Variants in EBF1 observed in about 807,000 individuals in gnomAD.
The protein encoded by EBF1 is transcription factor COE1.
Under a neutral mutation model 68.4 loss-of-function variants are expected in EBF1, and 10 were observed. The ratio of observed to expected loss-of-function variants is 0.15; its 90% confidence interval spans 0.09 to 0.25. EBF1 has a LOEUF of 0.25. EBF1 is among the 10% of genes least tolerant of loss of function. EBF1 has a pLI of 1.00. For missense variants in EBF1, 509 were observed against 794.4 expected (o/e 0.64, Z 4.32); for synonymous variants, 298 against 299.8 (o/e 0.99, Z 0.06).
At chr5:158,782,734 A>G (rs1022363028) in intron 9 of EBF1, among the ~76,000 whole-genome samples, 7 of 152,196 alleles carry the variant, frequency 4.6e-5, no homozygotes, top group Admixed American at 3.9e-4. Context: ...TATTTTCAAA[A>G]TATTTCTGGA....
At chr5:158,926,484 G>A (rs1027547936) in intron 6 of EBF1, among the ~76,000 whole-genome samples, 1 of 152,080 alleles carries the variant, frequency 6.6e-6, no homozygotes, top group Non-Finnish European at 1.5e-5. Context: ...CCAGCACTTT[G>A]GGAGGCCAAA....
chr5:159,070,629 A>G (rs945450703), intron 6 of EBF1, among the ~76,000 whole-genome samples: 3 of 152,162 alleles, frequency 2.0e-5, no homozygotes, highest in African/African-American at 4.8e-5. Context: ...TGATAAAAAT[A>G]GTAGTGTTCT....
At chr5:159,076,732 C>T (rs940456594) in intron 5 of EBF1, among the ~76,000 whole-genome samples, 12 of 152,186 alleles carry the variant, frequency 7.9e-5, no homozygotes, top group African/African-American at 2.9e-4. Context: ...ATGAGCTACT[C>T]CGGCTTCTGT....
intron 7 of EBF1, among the ~76,000 whole-genome samples, chr5:158,825,924 TAA>T (rs758355276): frequency 3.5e-5 from 5 of 141,368 alleles, no homozygotes; most frequent in Admixed American, 7.0e-5. Flanking sequence ...ACTTGTAAAT[TAA>T]AAAAAAAAAA....
intron 10 of EBF1, among the ~76,000 whole-genome samples, chr5:158,742,130 C>A (rs1396472243): frequency 2.0e-5 from 3 of 152,194 alleles, no homozygotes; most frequent in Non-Finnish European, 4.4e-5. Context: ...CAGAGCAGAT[C>A]TCTAATAATT....
At chr5:158,761,320 G>A (rs759481273) in intron 10 of EBF1, among the ~76,000 whole-genome samples, 3 of 152,152 alleles carry the variant, frequency 2.0e-5, no homozygotes, top group African/African-American at 4.8e-5. Context: ...TTCTGCTGTC[G>A]GTTTGCTCCA....
chr5:159,050,689 C>T (rs1773423045), intron 6 of EBF1, among the ~76,000 whole-genome samples: 3 of 152,178 alleles, frequency 2.0e-5, no homozygotes, highest in Non-Finnish European at 4.4e-5. Context: ...GGTTGACTGA[C>T]TCCTGCCTCC....
chr5:158,850,220 C>A (rs1366819914), intron 6 of EBF1, among the ~76,000 whole-genome samples: 1 of 152,132 alleles, frequency 6.6e-6, no homozygotes, highest in Non-Finnish European at 1.5e-5. Flanking sequence ...TTCTACAGAC[C>A]ATTCTGTTGA....
intron 15 of EBF1, among the ~76,000 whole-genome samples, chr5:158,701,502 T>C (rs1756765446): frequency 6.6e-6 from 1 of 152,190 alleles, no homozygotes; most frequent in South Asian, 2.1e-4. Context: ...AACAGCGCTT[T>C]TTATTTTGGA....
chr5:158,861,513 A>T (rs1794955455), intron 6 of EBF1, among the ~76,000 whole-genome samples: 1 of 152,128 alleles, frequency 6.6e-6, no homozygotes. Flanking sequence ...GACAAAATAA[A>T]CCCCATGTTT....
intron 15 of EBF1, among the ~76,000 whole-genome samples, chr5:158,700,476 C>CCCT (rs1464936221): frequency 6.6e-6 from 1 of 151,484 alleles, no homozygotes; most frequent in Non-Finnish European, 1.5e-5. Context: ...TAGGAAGTGG[C>CCCT]CCTCTTAGTT....
intron 6 of EBF1, among the ~76,000 whole-genome samples, chr5:158,904,593 C>T (rs1804146652): frequency 6.6e-6 from 1 of 152,170 alleles, no homozygotes; most frequent in African/African-American, 2.4e-5. Flanking sequence ...TCCTGCATAG[C>T]AGCTATTAGT....
At chr5:158,772,266 C>T (rs1774022947) in intron 10 of EBF1, among the ~76,000 whole-genome samples, 1 of 152,116 alleles carries the variant, frequency 6.6e-6, no homozygotes, top group African/African-American at 2.4e-5. Flanking sequence ...TGTTCAAGCC[C>T]AAGGTGGCAG....
At chr5:159,094,358 T>C (rs944710527) in intron 4 of EBF1, among the ~76,000 whole-genome samples, 7 of 109,382 alleles carry the variant, frequency 6.4e-5, no homozygotes, top group African/African-American at 3.7e-4. Context: ...TAACATGAAA[T>C]ATATTTCAAT....
chr5:159,002,438 A>G (rs1406710109), intron 6 of EBF1, among the ~76,000 whole-genome samples: 4 of 152,220 alleles, frequency 2.6e-5, no homozygotes, highest in Non-Finnish European at 5.9e-5. Flanking sequence ...CATTGTCAAC[A>G]CAGTGATTGA....
At chr5:158,827,012 T>G (rs1471640817) in intron 7 of EBF1, among the ~76,000 whole-genome samples, 1 of 152,188 alleles carries the variant, frequency 6.6e-6, no homozygotes, top group African/African-American at 2.4e-5. Flanking sequence ...AGTCCCAGTG[T>G]CCCTGACTCT....
At chr5:158,869,425 G>A (rs1022979525) in intron 6 of EBF1, among the ~76,000 whole-genome samples, 5 of 152,110 alleles carry the variant, frequency 3.3e-5, no homozygotes, top group African/African-American at 9.7e-5. Context: ...TCAGTCTGTG[G>A]GGTCACAGGA....
chr5:159,025,712 T>C (rs931563652), intron 6 of EBF1, among the ~76,000 whole-genome samples: 1 of 152,204 alleles, frequency 6.6e-6, no homozygotes, highest in Non-Finnish European at 1.5e-5. Context: ...GATTTTTCTA[T>C]AGGAAGCTCT....
At chr5:158,930,740 A>G (rs536270252) in intron 6 of EBF1, among the ~76,000 whole-genome samples, 2 of 152,316 alleles carry the variant, frequency 1.3e-5, no homozygotes, top group South Asian at 4.2e-4. Context: ...CAAGTATTAA[A>G]ATGCCTCCAT....
Sources: gnomAD v4.1 joint callset for allele counts (sites outside exome capture counted in the v4.1 genomes callset) on GRCh38, gnomAD v4.1.1 for gene constraint, MANE v1.5 for transcripts, NCBI Gene and HGNC (gene_info 2026-07-23, HGNC 2026-07-21) for gene names.